Variants in SLC2A9 observed in about 807,000 individuals in gnomAD.
SLC2A9 encodes the protein solute carrier family 2, facilitated glucose transporter member 9.
SLC2A9 carries 39 observed loss-of-function variants against 50.6 expected under a neutral mutation model. The observed-to-expected ratio is 0.77, with a 90% CI of 0.60 to 1.01. SLC2A9 has a LOEUF of 1.01. Among genes scored for constraint, SLC2A9 ranks in the 50% least tolerant of loss-of-function variants. SLC2A9 has a pLI of 0.00. For synonymous variants in SLC2A9, 324 were observed against 276.9 expected (o/e 1.17, Z -1.69); for missense variants, 686 against 677.6 (o/e 1.01, Z -0.14).
At chr4:9,783,046 C>T (rs1718708114) in intron 3 of SLC2A9, 2 of 1,614,220 alleles carry the variant, frequency 1.2e-6, no homozygotes, top group African/African-American at 1.3e-5. Context: ...TCAGTGAGAC[C>T]ACCTTCGACG....
At chr4:9,980,837 TA>T in intron 4 of SLC2A9, 100 bp from the exon 5 acceptor site, 1 of 1,480,760 alleles carries the variant, frequency 6.8e-7, no homozygotes. Flanking sequence ...CCCTGGACAT[TA>T]AATAGCACTG....
chr4:9,941,584 A>T (rs1032875002), intron 6 of SLC2A9, among the ~76,000 whole-genome samples: 4 of 152,166 alleles, frequency 2.6e-5, no homozygotes, highest in Non-Finnish European at 4.4e-5. Context: ...GAAATTTCAG[A>T]TGGCTTCATC....
At chr4:9,852,500 C>T (rs1730128352) in intron 10 of SLC2A9, among the ~76,000 whole-genome samples, 1 of 152,126 alleles carries the variant, frequency 6.6e-6, no homozygotes, top group African/African-American at 2.4e-5. Context: ...GATCCACCCG[C>T]CTCGGCCTCC....
chr4:9,958,349 G>A (rs1282923735), intron 5 of SLC2A9, among the ~76,000 whole-genome samples: 1 of 152,146 alleles, frequency 6.6e-6, no homozygotes, highest in Non-Finnish European at 1.5e-5. Context: ...GCAGGGACAT[G>A]GATGAATCTG....
Position 9,868,909 on chromosome 4 carries a change from C to T in SLC2A9, c.1291+18658G>A, listed in dbSNP as rs560614768. Among the ~76,000 whole-genome samples, 6 of 152,248 alleles carry T rather than the reference C, an allele frequency of 3.9e-5. No individual in the cohort carries two copies. The South Asian group carries it at 1.2e-3, about 32-fold the overall frequency. ...CAGCTCTGTGTCTGCAGGAACACCC[C>T]CCAAAGGCATGGGTTCTGATTCCCT... On this transcript the variant is annotated intron_variant, in intron 10 of 11. Transcript: ENST00000264784.
rs146298159 is a variant in SLC2A9 at position 9,844,149 on chromosome 4, T to TAAAAAA, written c.1292-9147_1292-9142dup. ...AACTTGGTGGAAGAGCCAGATTTAG[T>TAAAAAA]AAAAAAAAAATAATAATAAAAAAAA... On this transcript the variant is annotated intron_variant, in intron 10 of 11. Transcript: ENST00000264784. 4.9e-4 allele frequency among the ~76,000 whole-genome samples: 33 copies of TAAAAAA among 66,830 alleles called. 4 individuals are homozygous for TAAAAAA. The highest frequency in any genetic ancestry group is 1.5e-3 in the East Asian group (4 of 2,698). The allele number at this position is 66,830 out of a possible 152,430, so 43.8% of individuals were successfully genotyped here. A position where few individuals can be genotyped will look rare whatever the true frequency, so the allele number is the denominator to read the frequency against.
chr4:10,015,382 C>T (rs1215689819), intron 2 of SLC2A9, among the ~76,000 whole-genome samples: 1 of 152,230 alleles, frequency 6.6e-6, no homozygotes, highest in Non-Finnish European at 1.5e-5. Flanking sequence ...ACACTGCCAC[C>T]TCCTGGCTGT....
intron 6 of SLC2A9, among the ~76,000 whole-genome samples, chr4:9,935,070 G>C (rs1359879028): frequency 6.6e-6 from 1 of 152,128 alleles, no homozygotes; most frequent in Non-Finnish European, 1.5e-5. Context: ...ATGGGCATTT[G>C]GATTGGTTCC....
At chr4:9,830,205 C>T (rs544975078) in intron 11 of SLC2A9, among the ~76,000 whole-genome samples, 2 of 152,300 alleles carry the variant, frequency 1.3e-5, no homozygotes, top group Middle Eastern at 3.4e-3. Flanking sequence ...GAGATCAAGT[C>T]CTTTGCAGTG....
At chr4:9,882,465 A>G (rs571154990) in intron 10 of SLC2A9, among the ~76,000 whole-genome samples, 4 of 152,178 alleles carry the variant, frequency 2.6e-5, no homozygotes, top group African/African-American at 9.6e-5. Context: ...TTTTTCATCT[A>G]TAAGAGGCCG....
At chr4:9,879,411 T>C in intron 10 of SLC2A9, 3 of 985,122 alleles carry the variant, frequency 3.0e-6, no homozygotes, top group Non-Finnish European at 2.4e-6. Flanking sequence ...TTTGTGCGTG[T>C]GGGGCAGGGG....
In SLC2A9 at chr4:10,019,602, C is replaced by T. The variant is rs146815627; in HGVS notation, c.151-529G>A. Among the ~76,000 whole-genome samples the T allele has an allele frequency of 2.6e-5, 4 of 152,328 alleles. No individual in the cohort carries two copies. The East Asian group carries it at 7.7e-4, about 29-fold the overall frequency. On this transcript the variant is annotated intron_variant, in intron 1 of 11. Coordinates refer to ENST00000264784, the MANE Select transcript of SLC2A9 (RefSeq NM_020041.3). ...GTCCAGGTGGCCTGGCTGCAGTGCC[C>T]CTCTAGTCACCACTGCACTGTCCCC... is the stretch of plus-strand genomic sequence containing the variant.
At chr4:9,864,532 TC>T (rs990550807) in intron 10 of SLC2A9, among the ~76,000 whole-genome samples, 40 of 152,344 alleles carry the variant, frequency 2.6e-4, no homozygotes, top group African/African-American at 9.4e-4. Context: ...TGTCCACCTT[TC>T]AGAGATTTGT....
At chr4:9,938,174 C>T (rs1053538321) in intron 6 of SLC2A9, among the ~76,000 whole-genome samples, 1 of 151,956 alleles carries the variant, frequency 6.6e-6, no homozygotes, top group African/African-American at 2.4e-5. Context: ...GAAATGGATG[C>T]AAATCTGGAA....
intron 5 of SLC2A9, among the ~76,000 whole-genome samples, chr4:9,956,326 A>G (rs150258593): frequency 0.47 from 71,302 of 150,912 alleles, 17,901 homozygotes; most frequent in African/African-American, 0.64. Flanking sequence ...TACTAAAAAT[A>G]CAAAAAAAAA....
chr4:9,896,293 A>G (rs1738549900), intron 8 of SLC2A9, among the ~76,000 whole-genome samples: 1 of 152,170 alleles, frequency 6.6e-6, no homozygotes, highest in Non-Finnish European at 1.5e-5. Context: ...AATTTTTGTC[A>G]CCATTTTGGT....
intron 4 of SLC2A9, 118 bp from the exon 5 acceptor site, chr4:9,980,855 C>A (rs116169711): frequency 3.0e-6 from 4 of 1,341,994 alleles, no homozygotes; most frequent in Admixed American, 1.9e-5. Context: ...ACTGTAGCCA[C>A]GGCATTTTTC....
intron 10 of SLC2A9, among the ~76,000 whole-genome samples, chr4:9,878,034 C>T (rs1381676480): frequency 6.6e-6 from 1 of 152,158 alleles, no homozygotes; most frequent in Non-Finnish European, 1.5e-5. Context: ...TCATTCTCAA[C>T]TGTGCCCTGT....
downstream of SLC2A9, among the ~76,000 whole-genome samples, chr4:9,794,554 A>G (rs1361560443): frequency 6.6e-6 from 1 of 152,246 alleles, no homozygotes; most frequent in Non-Finnish European, 1.5e-5. Context: ...ACTCAGGGTC[A>G]CACAGCTAAG....
Sources: gnomAD v4.1 joint callset for allele counts (sites outside exome capture counted in the v4.1 genomes callset) on GRCh38, gnomAD v4.1.1 for gene constraint, MANE v1.5 for transcripts, NCBI Gene and HGNC (gene_info 2026-07-23, HGNC 2026-07-21) for gene names.